The following USH2A variants were observed in gnomAD, a reference collection of about 807,000 sequenced individuals.
USH2A encodes Usher syndrome 2A (autosomal recessive, mild).
Under a neutral mutation model 538.9 loss-of-function variants are expected in USH2A, and 443 were observed. The ratio of observed to expected loss-of-function variants is 0.82; its 90% CI spans 0.76 to 0.89. The LOEUF is 0.89. Ranked by LOEUF, USH2A falls within the 40% of genes least tolerant of loss-of-function variation. The pLI is 0.00. For missense variants in USH2A, 6,633 were observed against 6,324.8 expected (o/e 1.05, Z -1.65); for synonymous variants, 2,413 against 2,273.5 (o/e 1.06, Z -1.75).
intron 13 of USH2A, among the ~76,000 whole-genome samples, chr1:216,233,184 C>T (rs1435991164): frequency 2.0e-5 from 3 of 152,126 alleles, no homozygotes; most frequent in Non-Finnish European, 2.9e-5. Flanking sequence ...GTCCCAGCTA[C>T]GTCTCTAGCT....
intron 4 of USH2A, among the ~76,000 whole-genome samples, chr1:216,344,488 A>T (rs1302321351): frequency 3.3e-5 from 5 of 152,092 alleles, no homozygotes; most frequent in Non-Finnish European, 7.4e-5. Context: ...TGACAAGTTC[A>T]AAAGGAAAAC....
chr1:215,678,549 T>A (rs1274487027), intron 62 of USH2A, among the ~76,000 whole-genome samples: 1 of 152,248 alleles, frequency 6.6e-6, no homozygotes, highest in African/African-American at 2.4e-5. Flanking sequence ...TCAAATGATA[T>A]TCCATTCTAA....
At chr1:215,912,499 A>AGATATATG in intron 38 of USH2A, among the ~76,000 whole-genome samples, 1 of 43,234 alleles carries the variant, frequency 2.3e-5, no homozygotes, top group Non-Finnish European at 4.5e-5. Flanking sequence ...ATGTGTATAT[A>AGATATATG]TATATATATA....
At chr1:215,742,933 A>T (rs990169223) in intron 59 of USH2A, among the ~76,000 whole-genome samples, 6 of 152,178 alleles carry the variant, frequency 3.9e-5, no homozygotes, top group African/African-American at 1.4e-4. Context: ...AAAGGGCCTT[A>T]TAAAACAAGA....
chr1:216,398,854 G>C (rs2039261541), intron 3 of USH2A, among the ~76,000 whole-genome samples: 1 of 152,144 alleles, frequency 6.6e-6, no homozygotes, highest in Admixed American at 6.5e-5. Flanking sequence ...TGTAGGTAGG[G>C]GTGGTTTTGA....
chr1:216,179,959 T>C (rs1344206930), intron 20 of USH2A, among the ~76,000 whole-genome samples: 1 of 152,136 alleles, frequency 6.6e-6, no homozygotes. Flanking sequence ...ATCTGTGTGA[T>C]CTTAGAAAAA....
At chr1:216,414,306 C>A (rs1262229414) in intron 3 of USH2A, among the ~76,000 whole-genome samples, 1 of 152,014 alleles carries the variant, frequency 6.6e-6, no homozygotes, top group African/African-American at 2.4e-5. Context: ...GATTCAAGTC[C>A]ATAAATGAAT....
chr1:216,237,060 T>C (rs1216644953), intron 13 of USH2A, among the ~76,000 whole-genome samples: 1 of 152,192 alleles, frequency 6.6e-6, no homozygotes, highest in African/African-American at 2.4e-5. Context: ...ATATTCTCTG[T>C]TCCCATTCAG....
intron 21 of USH2A, among the ~76,000 whole-genome samples, chr1:216,109,019 T>G (rs2032803557): frequency 1.3e-5 from 2 of 152,200 alleles, no homozygotes; most frequent in Non-Finnish European, 2.9e-5. Context: ...TAGCTCAACC[T>G]TCAACCATTG....
At chr1:216,379,021 C>T (rs1427937274) in intron 3 of USH2A, among the ~76,000 whole-genome samples, 1 of 152,162 alleles carries the variant, frequency 6.6e-6, no homozygotes, top group Non-Finnish European at 1.5e-5. Context: ...GACTCCACTA[C>T]ATCCTAGTCC....
chr1:216,073,408 A>G, intron 27 of USH2A, 108 bp from the exon 28 acceptor site: 1 of 1,191,402 alleles, frequency 8.4e-7, no homozygotes, highest in Non-Finnish European at 1.2e-6. Flanking sequence ...GTGGTTAGAT[A>G]CAATTGCTAG....
At chr1:215,883,909 G>A (rs1293241948) in intron 41 of USH2A, among the ~76,000 whole-genome samples, 4 of 152,026 alleles carry the variant, frequency 2.6e-5, no homozygotes, top group African/African-American at 9.7e-5. Context: ...ATTTTATCCA[G>A]CTTCATCCTT....
chr1:216,394,544 T>G (rs2039171067), intron 3 of USH2A, among the ~76,000 whole-genome samples: 1 of 152,136 alleles, frequency 6.6e-6, no homozygotes, highest in Admixed American at 6.6e-5. Context: ...AATGTATATG[T>G]ATTTGAAAGA....
chr1:216,409,939 G>T (rs952731419), intron 3 of USH2A, among the ~76,000 whole-genome samples: 2 of 152,132 alleles, frequency 1.3e-5, no homozygotes. Context: ...CCTATAGAGT[G>T]AGAGAAAAGT....
chr1:216,019,096 GTATGACAA>G (rs1668785309), intron 32 of USH2A, among the ~76,000 whole-genome samples: 1 of 152,094 alleles, frequency 6.6e-6, no homozygotes. Flanking sequence ...ATGCAGTCAA[GTATGACAA>G]TATTTTCCTA....
intron 9 of USH2A, among the ~76,000 whole-genome samples, chr1:216,319,086 C>T (rs1289774810): frequency 1.3e-5 from 2 of 152,110 alleles, no homozygotes; most frequent in Admixed American, 1.3e-4. Context: ...CAAACTGTAG[C>T]TTGCAAATAC....
chr1:216,273,486 A>G (rs767842420), intron 11 of USH2A, among the ~76,000 whole-genome samples: 9 of 152,094 alleles, frequency 5.9e-5, no homozygotes, highest in Non-Finnish European at 1.2e-4. Flanking sequence ...GGCAATGAAA[A>G]AAAAACCTCA....
intron 38 of USH2A, chr1:215,901,550 G>T: frequency 6.4e-6 from 1 of 155,096 alleles, no homozygotes; most frequent in Admixed American, 6.3e-5. Context: ...CCCTTCTCCT[G>T]CCCTTACTCA....
At chr1:216,084,565 C>A in intron 25 of USH2A, 133 bp downstream of exon 25, 1 of 886,790 alleles carries the variant, frequency 1.1e-6, no homozygotes, top group Admixed American at 2.4e-5. Context: ...TTGTGTGCAC[C>A]ATTGGAATAA....
Sources: gnomAD v4.1 joint callset for allele counts (sites outside exome capture counted in the v4.1 genomes callset) on GRCh38, gnomAD v4.1.1 for gene constraint, MANE v1.5 for transcripts, NCBI Gene and HGNC (gene_info 2026-07-23, HGNC 2026-07-21) for gene names.